The following ADGRD1 variants were observed in gnomAD, a reference collection of about 807,000 sequenced individuals.
The protein encoded by ADGRD1 is G-protein coupled receptor 133.
ADGRD1 carries 77 observed loss-of-function variants against 113.4 expected under a neutral mutation model. The ratio of observed to expected loss-of-function variants is 0.68; its 90% confidence interval spans 0.57 to 0.82. ADGRD1 has a LOEUF of 0.82. Among genes scored for constraint, ADGRD1 ranks in the 40% least tolerant of loss-of-function variants. The pLI is 0.00. For missense variants in ADGRD1, 1,036 were observed against 1,139.1 expected, an observed-to-expected ratio of 0.91 and a Z score of 1.30; for synonymous variants, 474 against 475.0, an observed-to-expected ratio of 1.00 and a Z score of 0.03.
intron 13 of ADGRD1, among the ~76,000 whole-genome samples, chr12:131,029,607 T>G (rs1255048144): frequency 6.7e-6 from 1 of 148,928 alleles, no homozygotes; most frequent in East Asian, 2.0e-4. Context: ...TCCCAGGCTC[T>G]GGGGTTAGGT....
intron 24 of ADGRD1, 151 bp from the exon 25 acceptor site, chr12:131,139,017 A>G (rs2136121371): frequency 3.3e-6 from 2 of 615,362 alleles, no homozygotes; most frequent in East Asian, 2.8e-5. Context: ...CATCTCCCCC[A>G]GGAGCATGGG....
intron 12 of ADGRD1, among the ~76,000 whole-genome samples, chr12:131,010,339 C>T (rs1473307052): frequency 6.6e-6 from 1 of 152,286 alleles, no homozygotes; most frequent in East Asian, 1.9e-4. Context: ...TCAGCAGGAG[C>T]CAGTTATCAA....
intron 14 of ADGRD1, among the ~76,000 whole-genome samples, chr12:131,077,972 T>A (rs1329137348): frequency 2.6e-5 from 4 of 152,152 alleles, no homozygotes; most frequent in Admixed American, 2.0e-4. Flanking sequence ...CTGGAACACA[T>A]CTGGGACATC....
intron 13 of ADGRD1, among the ~76,000 whole-genome samples, chr12:131,055,243 G>A (rs1883753499): frequency 6.6e-6 from 1 of 152,140 alleles, no homozygotes; most frequent in African/African-American, 2.4e-5. Flanking sequence ...ATGTCCCTGA[G>A]CCACCTCACA....
chr12:131,014,101 A>T (rs1878261944), intron 12 of ADGRD1, 98 bp from the exon 13 acceptor site: 1 of 1,193,344 alleles, frequency 8.4e-7, no homozygotes, highest in South Asian at 1.5e-5. Flanking sequence ...TTTCCGTCTC[A>T]ATAGTTTTGG....
At chr12:131,136,575 C>T (rs899041165) in intron 22 of ADGRD1, among the ~76,000 whole-genome samples, 5 of 152,210 alleles carry the variant, frequency 3.3e-5, no homozygotes, top group Non-Finnish European at 5.9e-5. Context: ...GACCCACAGG[C>T]CCCCAAGGAA....
intron 12 of ADGRD1, 70 bp downstream of exon 12, chr12:131,006,117 A>T (rs1877080852): frequency 2.3e-6 from 3 of 1,283,484 alleles, no homozygotes; most frequent in East Asian, 4.6e-5. Flanking sequence ...GGCCACAGGG[A>T]TGCCCGCCCC....
chr12:130,959,098 G>A (rs568211224), intron 2 of ADGRD1, among the ~76,000 whole-genome samples: 1 of 152,226 alleles, frequency 6.6e-6, no homozygotes, highest in Non-Finnish European at 1.5e-5. Flanking sequence ...GGTGCTGGGG[G>A]AGCCTTAAGG....
At chr12:131,049,850 G>C (rs1479267731) in intron 13 of ADGRD1, among the ~76,000 whole-genome samples, 1 of 152,202 alleles carries the variant, frequency 6.6e-6, no homozygotes, top group East Asian at 1.9e-4. Flanking sequence ...GTCCGTGGGG[G>C]ACTCGGAGCC....
chr12:131,137,253 G>C, intron 23 of ADGRD1: 2 of 587,412 alleles, frequency 3.4e-6, no homozygotes, highest in Non-Finnish European at 6.1e-6. Context: ...ATTGGCGACT[G>C]CATCTTAGGG....
chr12:130,986,887 G>A, intron 5 of ADGRD1: 1 of 561,098 alleles, frequency 1.8e-6, no homozygotes, highest in Non-Finnish European at 3.2e-6. Flanking sequence ...CTGGAATTTA[G>A]GGCATAAGGA....
chr12:131,094,176 C>T (rs1308360528), intron 15 of ADGRD1, among the ~76,000 whole-genome samples: 1 of 152,160 alleles, frequency 6.6e-6, no homozygotes, highest in Non-Finnish European at 1.5e-5. Flanking sequence ...CCAGCCTCAG[C>T]ACCCAGCCCC....
At chr12:130,986,663 C>G (rs943887363) in intron 5 of ADGRD1, 3 of 162,002 alleles carry the variant, frequency 1.9e-5, no homozygotes, top group African/African-American at 7.2e-5. Flanking sequence ...TGCCTTATTG[C>G]ATTAGTTAGG....
chr12:131,059,002 T>G (rs1416837536), intron 13 of ADGRD1, among the ~76,000 whole-genome samples: 1 of 152,218 alleles, frequency 6.6e-6, no homozygotes, highest in East Asian at 1.9e-4. Context: ...ATATTATATC[T>G]TTCGTTGTTG....
At chr12:130,968,632 G>T in intron 3 of ADGRD1, 1 of 264,408 alleles carries the variant, frequency 3.8e-6, no homozygotes, top group South Asian at 6.0e-5. Flanking sequence ...TCATCCTTTT[G>T]TTGAGCCTGT....
intron 13 of ADGRD1, among the ~76,000 whole-genome samples, chr12:131,034,838 G>T (rs1566049987): frequency 6.6e-6 from 1 of 152,056 alleles, no homozygotes; most frequent in Non-Finnish European, 1.5e-5. Context: ...ACCGGCTCCC[G>T]CTCCTTAGCC....
intron 2 of ADGRD1, among the ~76,000 whole-genome samples, chr12:130,961,361 GTGA>G (rs1368828712): frequency 3.3e-5 from 5 of 152,130 alleles, no homozygotes; most frequent in Non-Finnish European, 4.4e-5. Context: ...AAGAACTGTG[GTGA>G]TGTGGGCTGA....
chr12:131,026,411 T>C (rs1341857600), intron 13 of ADGRD1: 1 of 152,118 alleles, frequency 6.6e-6, no homozygotes. Context: ...GTCTGTCCGA[T>C]CTCTCAGGGC....
Position 131,041,939 on chromosome 12 carries a change from G to A in ADGRD1, c.1473+27599G>A, listed in dbSNP as rs996286128. 4.6e-5 allele frequency among the ~76,000 whole-genome samples: 7 copies of A among 152,044 alleles called. No individual in the cohort carries two copies. Among genetic ancestry groups the A allele is most frequent in the East Asian group, 1.9e-4 (1 of 5,176 alleles). On this transcript the variant is annotated intron_variant, in intron 13 of 24. Coordinates refer to ENST00000261654, the MANE Select transcript of ADGRD1 (RefSeq NM_198827.5). This position sits in a 1 kb window ranked among gnomAD's most constrained non-coding sequence, Gnocchi z 4.4. ...GGGTTTGTTATCCGAGTCCCCCTGCGAGGAGAAGGCGCCGATGACCTAGGG... is the reference window on the plus strand; with the variant it reads ...GGGTTTGTTATCCGAGTCCCCCTGCAAGGAGAAGGCGCCGATGACCTAGGG...
Sources: gnomAD v4.1 joint callset for allele counts (sites outside exome capture counted in the v4.1 genomes callset) on GRCh38, gnomAD v4.1.1 for gene constraint, Gnocchi (gnomAD v3.1) non-coding constraint, MANE v1.5 for transcripts, NCBI Gene and HGNC (gene_info 2026-07-23, HGNC 2026-07-21) for gene names.